The following ANKDD1A variants were observed in gnomAD, a reference collection of about 807,000 sequenced individuals.
ANKDD1A encodes the protein ankyrin repeat and death domain-containing protein 1A.
A neutral mutation model predicts 63.5 loss-of-function variants in ANKDD1A; 59 were observed. The observed-to-expected ratio is 0.93, with a 90% CI of 0.75 to 1.15. The LOEUF (loss-of-function observed/expected upper bound fraction) is 1.15, where lower values mean the gene tolerates loss of function less well. Among genes scored for constraint, ANKDD1A ranks in the 50% most tolerant of loss-of-function variants. ANKDD1A has a pLI of 0.00. For synonymous variants in ANKDD1A, 266 were observed against 263.9 expected (o/e 1.01, Z -0.08); for missense variants, 632 against 656.4 (o/e 0.96, Z 0.41).
intron 14 of ANKDD1A, chr15:64,951,368 TTCTTC>T: frequency 4.1e-6 from 2 of 486,490 alleles, no homozygotes; most frequent in South Asian, 1.7e-4. Flanking sequence ...TTCTTCCTCT[TTCTTC>T]TTTCTTTTTC....
chr15:64,943,614 G>T, intron 11 of ANKDD1A, 32 bp downstream of exon 11: 1 of 1,601,746 alleles, frequency 6.2e-7, no homozygotes, highest in Non-Finnish European at 8.6e-7. Flanking sequence ...CTCGCTTCAG[G>T]CTTTCATGGC....
At chr15:64,919,295 C>T (rs1358881244) in intron 3 of ANKDD1A, among the ~76,000 whole-genome samples, 1 of 152,196 alleles carries the variant, frequency 6.6e-6, no homozygotes, top group East Asian at 1.9e-4. Flanking sequence ...TTCCTCTGGA[C>T]TCTGCCCGTG....
At chr15:64,953,313 TCTTTC>T (rs1267926315) in intron 14 of ANKDD1A, among the ~76,000 whole-genome samples, 1 of 151,042 alleles carries the variant, frequency 6.6e-6, no homozygotes, top group Admixed American at 6.6e-5. Flanking sequence ...TTTACTTTTT[TCTTTC>T]TTCTTTCCTT....
intron 14 of ANKDD1A, among the ~76,000 whole-genome samples, chr15:64,954,549 TTTCTTCTTCCTTCTCCTTGTTCTC>T (rs2085390463): frequency 7.8e-6 from 1 of 129,000 alleles, no homozygotes; most frequent in South Asian, 2.8e-4. Flanking sequence ...TCCTTCTTCT[TTTCTTCTTCCTTCTCCTTGTTCTC>T]CTTCTTCCTT....
intron 14 of ANKDD1A, among the ~76,000 whole-genome samples, chr15:64,951,727 C>CTTTCTTTCCTT (rs1437556850): frequency 7.2e-6 from 1 of 138,020 alleles, no homozygotes; most frequent in Non-Finnish European, 1.6e-5. Context: ...CTTCCCTTTT[C>CTTTCTTTCCTT]TTCTTTCCTC....
rs1041915168 is a variant in ANKDD1A at position 64,957,414 on chromosome 15, T to C, written c.*226T>C. 13 of 162,646 alleles carry C rather than the reference T, an allele frequency of 8.0e-5. No homozygotes were observed. Among genetic ancestry groups the C allele is most frequent in the African/African-American group, 3.1e-4 (13 of 41,608 alleles). 10.1% of individuals were successfully genotyped at this position (162,646 alleles called of 1,614,324 possible). On this transcript the variant is annotated 3_prime_UTR_variant, in exon 15 of 15. Coordinates refer to ENST00000319580, the MANE Select transcript of ANKDD1A (RefSeq NM_182703.6). ...ACAATGTGTTTTCTGAAAGTAAAGA[T>C]TATTTTACCTTGAAATTACAAAAAT... is the stretch of plus-strand genomic sequence containing the variant.
chr15:64,930,891 A>T lies in ANKDD1A; in HGVS notation c.640A>T (p.Ile214Phe). 6.2e-7 allele frequency: 1 copy of T among 1,612,702 alleles called. No homozygotes were observed. Among genetic ancestry groups the T allele is most frequent in the Non-Finnish European group, 8.5e-7 (1 of 1,179,986 alleles). ...HMAVLQRLVDIGLDLEEQNAE... is the reference protein window; with the variant it reads ...HMAVLQRLVDFGLDLEEQNAE... The stretch of plus-strand genomic sequence containing the variant: ...GGCTGTGCTGCAGCGACTTGTGGAC[A>T]TCGGGCTGGACCTGGAGGAGCAGAA... Residue 214 changes from isoleucine (I) to phenylalanine (F), a missense_variant, in exon 7 of 15, where the codon ATC becomes TTC. Transcript: ENST00000319580.
intron 13 of ANKDD1A, among the ~76,000 whole-genome samples, chr15:64,949,437 G>A (rs2085251281): frequency 6.6e-6 from 1 of 152,164 alleles, no homozygotes; most frequent in Non-Finnish European, 1.5e-5. Context: ...CTGTAAATTA[G>A]GACCACTATC....
At chr15:64,912,686 TC>T (rs1051191443) in intron 1 of ANKDD1A, among the ~76,000 whole-genome samples, 61 of 152,328 alleles carry the variant, frequency 4.0e-4, no homozygotes, top group African/African-American at 1.3e-3. Flanking sequence ...GAGTCCTTGA[TC>T]CTGCAGCCCT....
intron 6 of ANKDD1A, 147 bp downstream of exon 6, chr15:64,927,146 T>A: frequency 1.2e-6 from 1 of 829,360 alleles, no homozygotes; most frequent in Non-Finnish European, 1.9e-6. Flanking sequence ...TTAGTGTTCA[T>A]CCAGCAGGCC....
chr15:64,952,987 T>TCTCTC (rs1339512025), intron 14 of ANKDD1A, among the ~76,000 whole-genome samples: 545 of 27,618 alleles, frequency 0.02, 6 homozygotes, highest in Admixed American at 0.055. Context: ...TGTCTCTCCT[T>TCTCTC]CTTCTCCTTC....
intron 3 of ANKDD1A, among the ~76,000 whole-genome samples, chr15:64,918,183 C>G (rs113959745): frequency 0.032 from 4,918 of 152,184 alleles, 255 homozygotes; most frequent in African/African-American, 0.11. Context: ...GATGACACGG[C>G]GAAACTCCGT....
intron 5 of ANKDD1A, 131 bp from the exon 6 acceptor site, chr15:64,926,770 G>C (rs2085048421): frequency 4.5e-6 from 4 of 890,520 alleles, no homozygotes; most frequent in Non-Finnish European, 7.2e-6. Flanking sequence ...GGCAAGGGGA[G>C]AGGACAGTGT....
intron 9 of ANKDD1A, among the ~76,000 whole-genome samples, chr15:64,934,469 G>A (rs1051807114): frequency 6.8e-5 from 10 of 146,672 alleles, no homozygotes; most frequent in African/African-American, 1.8e-4. Flanking sequence ...TTCTCTGCTC[G>A]TTTATGCATT....
intron 3 of ANKDD1A, among the ~76,000 whole-genome samples, chr15:64,921,021 A>C (rs1378204384): frequency 6.6e-6 from 1 of 152,046 alleles, no homozygotes; most frequent in Admixed American, 6.6e-5. Flanking sequence ...CCAAGGCTGG[A>C]GTGCAGTGGT....
At chr15:64,953,466 CT>C (rs2085341063) in intron 14 of ANKDD1A, among the ~76,000 whole-genome samples, 1 of 3,230 alleles carries the variant, frequency 3.1e-4, no homozygotes, top group Non-Finnish European at 3.0e-3. Flanking sequence ...TCTCCTTCTT[CT>C]TCTTCCTCTT....
intron 5 of ANKDD1A, 84 bp downstream of exon 5, chr15:64,926,254 C>T: frequency 7.6e-7 from 1 of 1,321,532 alleles, no homozygotes; most frequent in East Asian, 2.5e-5. Context: ...TTACCACATT[C>T]CTTGGGTGCA....
intron 14 of ANKDD1A, among the ~76,000 whole-genome samples, chr15:64,954,718 T>TCTCCTC: frequency 7.1e-6 from 1 of 141,144 alleles, no homozygotes; most frequent in South Asian, 2.3e-4. Context: ...TTCTTCTCCT[T>TCTCCTC]CTCCTCCTCC....
intron 14 of ANKDD1A, among the ~76,000 whole-genome samples, chr15:64,953,146 TTTTCTC>T (rs2085331739): frequency 1.8e-3 from 42 of 23,106 alleles, no homozygotes; most frequent in Non-Finnish European, 0.011. Flanking sequence ...TTTTCTTCCT[TTTTCTC>T]CTTTCTTCTT....
Sources: allele counts gnomAD v4.1 joint callset (sites outside exome capture counted in the v4.1 genomes callset), GRCh38; gene constraint gnomAD v4.1.1; transcripts MANE v1.5; gene names NCBI Gene and HGNC (gene_info 2026-07-23, HGNC 2026-07-21).